ENTREP2: variants seen among roughly 807,000 people sequenced by gnomAD.
ENTREP2 encodes the protein endosomal transmembrane epsin interactor 2, also known as protein ENTREP2.
chr15:29,318,685 T>C, the ENTREP2 span, among the ~76,000 whole-genome samples: 1 of 152,198 alleles, frequency 6.6e-6, no homozygotes, highest in Non-Finnish European at 1.5e-5. Context: ...TACAGCTTAG[T>C]GTAATCGTAA....
At chr15:29,292,111 A>G in the ENTREP2 span, among the ~76,000 whole-genome samples, 1 of 152,176 alleles carries the variant, frequency 6.6e-6, no homozygotes, top group East Asian at 1.9e-4. Context: ...TTCTATCTGC[A>G]TAACCCAAAG....
the ENTREP2 span, among the ~76,000 whole-genome samples, chr15:29,490,347 C>T: frequency 6.6e-6 from 1 of 152,144 alleles, no homozygotes; most frequent in African/African-American, 2.4e-5. Flanking sequence ...TGAGCAGTGG[C>T]AAGATTTACC....
the ENTREP2 span, among the ~76,000 whole-genome samples, chr15:29,560,654 TAC>T: frequency 6.6e-6 from 1 of 152,066 alleles, no homozygotes; most frequent in Non-Finnish European, 1.5e-5. Flanking sequence ...GAGACTGGGC[TAC>T]AGTCTCCACA....
the ENTREP2 span, among the ~76,000 whole-genome samples, chr15:29,653,137 A>C: frequency 6.6e-6 from 1 of 152,142 alleles, no homozygotes; most frequent in African/African-American, 2.4e-5. Context: ...CTCAAACTGC[A>C]CCTTAACACA....
At chr15:29,334,321 G>C in the ENTREP2 span, among the ~76,000 whole-genome samples, 1 of 152,152 alleles carries the variant, frequency 6.6e-6, no homozygotes, top group African/African-American at 2.4e-5. Flanking sequence ...GCCTTCCATC[G>C]GAGACTACGC....
At chr15:29,478,894 A>G in the ENTREP2 span, among the ~76,000 whole-genome samples, 1 of 141,730 alleles carries the variant, frequency 7.1e-6, no homozygotes, top group Non-Finnish European at 1.5e-5. Context: ...ATTGAAAATA[A>G]TAATAAAAGT....
At chr15:29,271,746 T>C in the ENTREP2 span, among the ~76,000 whole-genome samples, 2 of 152,108 alleles carry the variant, frequency 1.3e-5, no homozygotes, top group African/African-American at 2.4e-5. Flanking sequence ...GGACAGAAAT[T>C]GTGCATTTGG....
At chr15:29,345,618 G>T in the ENTREP2 span, among the ~76,000 whole-genome samples, 1 of 152,032 alleles carries the variant, frequency 6.6e-6, no homozygotes, top group Non-Finnish European at 1.5e-5. Context: ...CATTCTGTAC[G>T]GCTCCAGGCA....
At chr15:29,605,161 GA>G in the ENTREP2 span, among the ~76,000 whole-genome samples, 1 of 152,148 alleles carries the variant, frequency 6.6e-6, no homozygotes. Context: ...ACAAATGATG[GA>G]CCAAAATGTG....
the ENTREP2 span, among the ~76,000 whole-genome samples, chr15:29,570,955 C>G: frequency 1.4e-5 from 2 of 144,920 alleles, no homozygotes; most frequent in Admixed American, 6.8e-5. Flanking sequence ...GCCGCCCGCC[C>G]GCCGGCCGCG....
the ENTREP2 span, among the ~76,000 whole-genome samples, chr15:29,589,917 A>C: frequency 1.3e-5 from 2 of 151,936 alleles, no homozygotes; most frequent in Non-Finnish European, 2.9e-5. Context: ...GTGATGCGTG[A>C]AAAAGCAACT....
the ENTREP2 span, among the ~76,000 whole-genome samples, chr15:29,254,629 T>A: frequency 6.6e-6 from 1 of 151,836 alleles, no homozygotes; most frequent in East Asian, 1.9e-4. Context: ...GAGGCCAAGG[T>A]GGGTGGATCA....
chr15:29,569,438 A>G, the ENTREP2 span: 1 of 114,460 alleles, frequency 8.7e-6, no homozygotes, highest in African/African-American at 2.6e-5. Context: ...AAAACTCAAG[A>G]ACAAATAGCA....
At chr15:29,622,362 C>T in the ENTREP2 span, among the ~76,000 whole-genome samples, 11 of 151,976 alleles carry the variant, frequency 7.2e-5, no homozygotes, top group East Asian at 1.9e-4. Flanking sequence ...CCCATGACCA[C>T]GCCCGGCTAA....
chr15:29,273,554 T>G, the ENTREP2 span, among the ~76,000 whole-genome samples: 1 of 152,104 alleles, frequency 6.6e-6, no homozygotes, highest in African/African-American at 2.4e-5. Context: ...TCAACTTGAT[T>G]GAAGGAAGCA....
chr15:29,395,831 C>A, the ENTREP2 span, among the ~76,000 whole-genome samples: 18 of 152,004 alleles, frequency 1.2e-4, no homozygotes, highest in Admixed American at 3.3e-4. Context: ...ACCACGCCAG[C>A]CATTGTTGTG....
chr15:29,461,424 G>A, the ENTREP2 span, among the ~76,000 whole-genome samples: 1 of 152,118 alleles, frequency 6.6e-6, no homozygotes, highest in African/African-American at 2.4e-5. Context: ...TGATGGTGTT[G>A]ATTTTTATTA....
At chr15:29,482,308 C>T in the ENTREP2 span, among the ~76,000 whole-genome samples, 1 of 152,194 alleles carries the variant, frequency 6.6e-6, no homozygotes, top group African/African-American at 2.4e-5. Context: ...CCATACCTGG[C>T]CAGTACATTT....
chr15:29,320,074 C>T, the ENTREP2 span, among the ~76,000 whole-genome samples: 1 of 152,158 alleles, frequency 6.6e-6, no homozygotes, highest in Non-Finnish European at 1.5e-5. Flanking sequence ...TTTCCTGACC[C>T]CATGCCCGTG....
Sources: allele counts gnomAD v4.1 joint callset (sites outside exome capture counted in the v4.1 genomes callset), GRCh38; gene constraint gnomAD v4.1.1; transcripts MANE v1.5; gene names NCBI Gene and HGNC (gene_info 2026-07-23, HGNC 2026-07-21).